Variants in TMOD2 observed in about 807,000 individuals in gnomAD.
TMOD2 encodes tropomodulin-2.
In TMOD2, 22 loss-of-function variants were observed where a neutral mutation model predicts 39.9. That is an observed-to-expected ratio of 0.55 (90% CI 0.39 to 0.79). The LOEUF (loss-of-function observed/expected upper bound fraction) is 0.79. Among genes scored for constraint, TMOD2 ranks in the 30% least tolerant of loss-of-function variants. The probability of loss-of-function intolerance (pLI) is 0.00; values close to 1 mark genes in which losing one functional copy is unlikely to be tolerated. For synonymous variants in TMOD2, 123 were observed against 146.1 expected (o/e 0.84, Z 1.14); for missense variants, 386 against 413.3 (o/e 0.93, Z 0.57).
At chr15:51,773,054 C>T (rs1377824806) in intron 3 of TMOD2, among the ~76,000 whole-genome samples, 1 of 152,182 alleles carries the variant, frequency 6.6e-6, no homozygotes, top group African/African-American at 2.4e-5. Context: ...TCCCACACTG[C>T]CAGGGCCTCA....
chr15:51,776,954 G>A lies in TMOD2; in HGVS notation c.429G>A (p.Leu143=). The change falls in exon 5 of 10, where the codon TTG becomes TTA. Residue 143 remains leucine (L), a synonymous_variant. Coordinates refer to ENST00000249700, the MANE Select transcript of TMOD2 (RefSeq NM_014548.4). ...TAGCTGTCCTTGGAGTACACAATTT[G>A]CTCAACAATCCAAAGTTCGATGAAG... The part of the protein sequence containing the change: ...DLAAVLGVHN[L]LNNPKFDEET... The A allele has an allele frequency of 2.5e-6, 4 of 1,613,876 alleles. No individual in the cohort carries two copies. The highest frequency in any genetic ancestry group is 3.4e-6 in the Non-Finnish European group (4 of 1,179,816).
chr15:51,789,658 G>A (rs1289163950), intron 7 of TMOD2, among the ~76,000 whole-genome samples: 2 of 152,126 alleles, frequency 1.3e-5, no homozygotes, highest in Non-Finnish European at 2.9e-5. Flanking sequence ...ACAACAAACT[G>A]TCTCTCAGAC....
chr15:51,783,054 A>G (rs985648660), intron 7 of TMOD2: 19 of 518,494 alleles, frequency 3.7e-5, no homozygotes, highest in Non-Finnish European at 5.5e-5. Context: ...AGAGAAAGAA[A>G]CAAGATAAGT....
At chr15:51,786,897 C>G (rs1397927647) in intron 7 of TMOD2, among the ~76,000 whole-genome samples, 1 of 152,238 alleles carries the variant, frequency 6.6e-6, no homozygotes, top group East Asian at 1.9e-4. Flanking sequence ...TAGTCTACAG[C>G]TCCCAGTGAG....
intron 5 of TMOD2, 93 bp downstream of exon 5, chr15:51,777,111 ACT>A (rs1445610341): frequency 1.6e-5 from 17 of 1,038,704 alleles, no homozygotes; most frequent in Admixed American, 9.9e-5. Context: ...CAGGCTTTAC[ACT>A]CTGTCATTTT....
intron 7 of TMOD2, among the ~76,000 whole-genome samples, chr15:51,796,020 C>T (rs2056049343): frequency 6.7e-6 from 1 of 148,194 alleles, no homozygotes; most frequent in African/African-American, 2.5e-5. Flanking sequence ...GGCATATTGA[C>T]CTGCTTGGTC....
At chr15:51,778,666 T>TC (rs2055907723) in intron 5 of TMOD2, among the ~76,000 whole-genome samples, 1 of 137,060 alleles carries the variant, frequency 7.3e-6, no homozygotes, top group African/African-American at 2.7e-5. Flanking sequence ...TTTTTTTTTT[T>TC]TTTCTTGAGA....
rs1380788938 is a variant in TMOD2, at chr15:51,762,720, A to G, written c.-69-3653A>G. Among the ~76,000 whole-genome samples the G allele has an allele frequency of 2.6e-5, 4 of 152,028 alleles. No individual in the cohort carries two copies. In the East Asian group the frequency reaches 7.7e-4, roughly 29 times the overall value. On this transcript the variant is annotated intron_variant, in intron 1 of 9. Coordinates refer to ENST00000249700, the MANE Select transcript of TMOD2 (RefSeq NM_014548.4). The stretch of plus-strand genomic sequence containing the variant: ...CATCAGCCCCTCCCACCTCTCTCCC[A>G]TGCCTAAGCAACTGTGATTTCTTTC...
chr15:51,785,329 G>A (rs1030171721), intron 7 of TMOD2, among the ~76,000 whole-genome samples: 7 of 150,324 alleles, frequency 4.7e-5, no homozygotes, highest in South Asian at 4.2e-4. Context: ...GGAGAATGGC[G>A]TGAACCCAGG....
chr15:51,758,870 T>C (rs1595860731), intron 1 of TMOD2, among the ~76,000 whole-genome samples: 2 of 152,058 alleles, frequency 1.3e-5, no homozygotes, highest in Non-Finnish European at 2.9e-5. Context: ...ACATAAGGCA[T>C]GATCCAGGCA....
intron 7 of TMOD2, among the ~76,000 whole-genome samples, chr15:51,795,240 G>A (rs1228065354): frequency 6.6e-6 from 1 of 152,040 alleles, no homozygotes; most frequent in East Asian, 1.9e-4. Flanking sequence ...GGCCAACATG[G>A]TGAAACCCCG....
chr15:51,796,254 A>G (rs964156030), intron 7 of TMOD2, among the ~76,000 whole-genome samples: 66 of 152,084 alleles, frequency 4.3e-4, no homozygotes, highest in African/African-American at 1.6e-3. Context: ...TAATTTATTG[A>G]CTCTGCCCTC....
In TMOD2 at chr15:51,813,340, T is replaced by C. The variant is rs1197838860; in HGVS notation, c.*4886T>C. The C allele has an allele frequency of 2.0e-5, 3 of 152,342 alleles. No homozygotes were observed. The East Asian group carries it at 5.8e-4, about 29-fold the overall frequency. The allele number at this position is 152,342 out of a possible 1,614,324, so 9.4% of individuals were successfully genotyped here. A position where few individuals can be genotyped will look rare whatever the true frequency, so the allele number is the denominator to read the frequency against. ...ACTCTGGGTTCTGTTCTAGGAATAG[T>C]GCATGTTTTAGAGGCTTTGCCAGTT... On this transcript the variant is annotated 3_prime_UTR_variant, in exon 10 of 10. Transcript: ENST00000249700.
In TMOD2 at chr15:51,810,542, G is replaced by T. The variant is rs1394399465; in HGVS notation, c.*2088G>T. 1 of 152,042 alleles carries T rather than the reference G, an allele frequency of 6.6e-6. No homozygotes were observed. Among genetic ancestry groups the T allele is most frequent in the Non-Finnish European group, 1.5e-5 (1 of 68,010 alleles). 9.4% of individuals were successfully genotyped at this position (152,042 alleles called of 1,614,324 possible). A position where few individuals can be genotyped will look rare whatever the true frequency, so the allele number is the denominator to read the frequency against. On this transcript the variant is annotated 3_prime_UTR_variant, in exon 10 of 10. Coordinates refer to ENST00000249700, the MANE Select transcript of TMOD2 (RefSeq NM_014548.4). The stretch of plus-strand genomic sequence containing the variant: ...AAATTAGCAATATGTAAGAAATTGG[G>T]GTTTTCTCCCTCTCCAGATTGCTGG...
At chr15:51,757,411 A>G (rs1443403185) in intron 1 of TMOD2, among the ~76,000 whole-genome samples, 1 of 151,740 alleles carries the variant, frequency 6.6e-6, no homozygotes, top group Non-Finnish European at 1.5e-5. Flanking sequence ...CAAAAAAAAA[A>G]AAAAAAAAAA....
At chr15:51,778,495 AAAATT>A (rs2055905545) in intron 5 of TMOD2, among the ~76,000 whole-genome samples, 1 of 123,818 alleles carries the variant, frequency 8.1e-6, no homozygotes, top group African/African-American at 3.1e-5. Context: ...ATAATAATAA[AAAATT>A]AAAAATTAAA....
intron 1 of TMOD2, 122 bp from the exon 2 acceptor site, chr15:51,766,251 T>G (rs1338394602): frequency 2.2e-6 from 1 of 462,082 alleles, no homozygotes. Context: ...GAATATTACC[T>G]TTTTGTTGAA....
At chr15:51,754,702 C>G (rs1292662496) in intron 1 of TMOD2, among the ~76,000 whole-genome samples, 3 of 152,122 alleles carry the variant, frequency 2.0e-5, no homozygotes, top group African/African-American at 7.2e-5. Context: ...AATTGCCTAG[C>G]CAGATGTGGA....
intron 4 of TMOD2, among the ~76,000 whole-genome samples, chr15:51,776,437 A>G (rs990567727): frequency 1.3e-5 from 2 of 152,110 alleles, no homozygotes; most frequent in Non-Finnish European, 2.9e-5. Context: ...TTCTTTGCTG[A>G]TGTTGCTTTT....
Sources: gnomAD v4.1 joint callset for allele counts (sites outside exome capture counted in the v4.1 genomes callset) on GRCh38, gnomAD v4.1.1 for gene constraint, MANE v1.5 for transcripts, NCBI Gene and HGNC (gene_info 2026-07-23, HGNC 2026-07-21) for gene names.